KIF1A: variants seen among roughly 807,000 people sequenced by gnomAD.
KIF1A encodes the protein kinesin family member 1A, also known as kinesin-like protein KIF1A.
In KIF1A, 46 loss-of-function variants were observed where a neutral mutation model predicts 227.3. The ratio of observed to expected loss-of-function variants is 0.20; its 90% CI spans 0.16 to 0.26. The LOEUF (loss-of-function observed/expected upper bound fraction) is 0.26. Among genes scored for constraint, KIF1A ranks in the 10% least tolerant of loss-of-function variants. The pLI is 1.00. For missense variants in KIF1A, 1,683 were observed against 2,485.9 expected, an observed-to-expected ratio of 0.68 and a Z score of 6.87; for synonymous variants, 1,022 against 1,012.8, an observed-to-expected ratio of 1.01 and a Z score of -0.17.
intron 1 of KIF1A, among the ~76,000 whole-genome samples, chr2:240,812,411 C>T (rs539402924): frequency 2.0e-5 from 3 of 152,354 alleles, no homozygotes; most frequent in South Asian, 2.1e-4. Context: ...TGCAGAGCAT[C>T]GCACAGGCAT....
chr2:240,788,623 C>T lies in KIF1A; in HGVS notation c.184-393G>A, dbSNP rs1337390951. On this transcript the variant is annotated intron_variant, in intron 3 of 48. Coordinates refer to ENST00000498729, the MANE Select transcript of KIF1A (RefSeq NM_001244008.2). The surrounding 1 kb of genome is among the most constrained non-coding windows in gnomAD (Gnocchi z 6.6). ...CACAGGCTGGGCTACAGCGCCTGGA[C>T]ACTGTCCTGAGGACAGTGGGGCACT... Among the ~76,000 whole-genome samples the T allele has an allele frequency of 2.0e-5, 3 of 151,984 alleles. No homozygotes were observed. In the East Asian group the frequency reaches 5.8e-4, roughly 29 times the overall value.
At chr2:240,754,742 C>G (rs1327703269) in intron 27 of KIF1A, among the ~76,000 whole-genome samples, 1 of 152,154 alleles carries the variant, frequency 6.6e-6, no homozygotes, top group Non-Finnish European at 1.5e-5. Flanking sequence ...CACAGACACA[C>G]CCAACGCAGA....
In KIF1A at chr2:240,766,749, T is replaced by TCTCTCTCTCTCACACACACA. The variant is rs1454271542; in HGVS notation, c.1684+165_1684+166insTGTGTGTGTGAGAGAGAGAG. 8.7e-4 allele frequency among the ~76,000 whole-genome samples: 95 copies of TCTCTCTCTCTCACACACACA among 109,008 alleles called. 1 individual carries two copies. The highest frequency in any genetic ancestry group is 3.5e-3 in the African/African-American group (85 of 24,154). The allele number at this position is 109,008 out of a possible 152,430, so 71.5% of individuals were successfully genotyped here. On this transcript the variant is annotated intron_variant, in intron 19 of 48. Transcript: ENST00000498729. This position sits in a 1 kb window ranked among gnomAD's most constrained non-coding sequence, Gnocchi z 5.0. ...CTCTCTCTCTCTCTCTCTCTCTCTC[T>TCTCTCTCTCTCACACACACA]CACACACACACACACACACACACAC... is the stretch of plus-strand genomic sequence containing the variant.
intron 7 of KIF1A, among the ~76,000 whole-genome samples, 158 bp downstream of exon 7, chr2:240,784,831 C>G (rs1171535998): frequency 6.6e-6 from 1 of 152,138 alleles, no homozygotes; most frequent in African/African-American, 2.4e-5. Context: ...GGGGGGACGT[C>G]CACACCTGGT....
At position 240,783,080 on chromosome 2, in the gene KIF1A, G is replaced by A; in HGVS notation, c.828C>T (p.Thr276=). ...GGGCGGAGATGACCTTGCCCAGGGT[G>A]GTCAGCGACTTGTTGATGTTGGCCC... ...KEGANINKSL[T]TLGKVISALA... The change falls in exon 9 of 49, where the codon ACC becomes ACT. Residue 276 remains threonine, a synonymous_variant. Coordinates refer to ENST00000498729, the MANE Select transcript of KIF1A (RefSeq NM_001244008.2). 1 of 1,613,732 alleles carries A rather than the reference G, an allele frequency of 6.2e-7. No individual in the cohort carries two copies. Among genetic ancestry groups the A allele is most frequent in the Non-Finnish European group, 8.5e-7 (1 of 1,179,768 alleles).
chr2:240,779,817 G>A (rs1384868486), intron 10 of KIF1A, among the ~76,000 whole-genome samples: 1 of 152,118 alleles, frequency 6.6e-6, no homozygotes, highest in Non-Finnish European at 1.5e-5. Flanking sequence ...ACGGTTCTGC[G>A]GCTCCTCACG....
intron 10 of KIF1A, among the ~76,000 whole-genome samples, chr2:240,780,722 T>C (rs1054522952): frequency 6.6e-6 from 1 of 150,638 alleles, no homozygotes; most frequent in African/African-American, 2.5e-5. Flanking sequence ...TTCTTCCGGC[T>C]TCTGACAGAG....
chr2:240,805,050 G>GAGGGAGAGGGGAGGGAGAGGGC (rs1262810052), intron 1 of KIF1A, among the ~76,000 whole-genome samples: 2 of 55,396 alleles, frequency 3.6e-5, no homozygotes, highest in Non-Finnish European at 6.7e-5. Flanking sequence ...GGGAAGTGGG[G>GAGGGAGAGGGGAGGGAGAGGGC]AGGGAGAGGG....
rs569716868 is a variant in KIF1A, at chr2:240,759,599, C to G, written c.2444+1066G>C. Reference sequence around the variant, plus strand: ...TACTCCTCTCTGCCTGGTGCCTCCCCCTGTAGCCCTGCAGGGTGGGGCGTG... The same window carrying G: ...TACTCCTCTCTGCCTGGTGCCTCCCGCTGTAGCCCTGCAGGGTGGGGCGTG... On this transcript the variant is annotated intron_variant, in intron 25 of 48. Coordinates refer to ENST00000498729, the MANE Select transcript of KIF1A (RefSeq NM_001244008.2). 2.7e-3 allele frequency among the ~76,000 whole-genome samples: 404 copies of G among 152,330 alleles called. 2 individuals are homozygous for G. Among genetic ancestry groups the G allele is most frequent in the African/African-American group, 8.9e-3 (369 of 41,578 alleles).
At chr2:240,743,683 C>G (rs937144662) in intron 33 of KIF1A, among the ~76,000 whole-genome samples, 2 of 152,200 alleles carry the variant, frequency 1.3e-5, no homozygotes, top group Non-Finnish European at 2.9e-5. Context: ...CCCCTGCACA[C>G]TGCCCAGGCC....
At chr2:240,759,900 C>T (rs1180465131) in intron 25 of KIF1A, among the ~76,000 whole-genome samples, 1 of 152,034 alleles carries the variant, frequency 6.6e-6, no homozygotes, top group Non-Finnish European at 1.5e-5. Flanking sequence ...TCCTGTGGTC[C>T]CAGCTACTTG....
At position 240,758,462 on chromosome 2, in the gene KIF1A, C is replaced by G. The variant is rs768899178; in HGVS notation, c.2480G>C (p.Arg827Pro). The G allele has an allele frequency of 6.2e-7, 1 of 1,607,548 alleles. No homozygotes were observed. The highest frequency in any genetic ancestry group is 1.7e-5 in the Admixed American group (1 of 59,244). ...RLDLMREMYD[R>P]AAEVPSSVIE... The stretch of plus-strand genomic sequence containing the variant: ...GACACTGGAGGGCACCTCTGCAGCG[C>G]GGTCGTACATCTCCCGCATCAGGTC... The change falls in exon 26 of 49, where the codon CGC becomes CCC. Residue 827 changes from arginine to proline, a missense_variant. By Grantham distance (103) the Arg-to-Pro change is moderately radical. Around this residue, in one of 12 missense-constraint regions of KIF1A, gnomAD observed 759 missense variants for 1,020.2 expected, o/e 0.74. Transcript: ENST00000498729. The surrounding 1 kb of genome is among the most constrained non-coding windows in gnomAD (Gnocchi z 5.2).
At chr2:240,779,003 C>T (rs574919526) in intron 10 of KIF1A, among the ~76,000 whole-genome samples, 61 of 152,330 alleles carry the variant, frequency 4.0e-4, no homozygotes, top group African/African-American at 1.4e-3. Flanking sequence ...TCCATGTTCC[C>T]ACCCAGTTCC....
chr2:240,784,923 C>T (rs2054528523), intron 7 of KIF1A, 66 bp downstream of exon 7: 2 of 1,352,110 alleles, frequency 1.5e-6, no homozygotes, highest in East Asian at 4.6e-5. Context: ...CTGGCCTGAC[C>T]ACCACCCCTA....
intron 25 of KIF1A, among the ~76,000 whole-genome samples, chr2:240,759,742 T>C (rs1372052592): frequency 1.3e-5 from 2 of 152,180 alleles, no homozygotes; most frequent in Non-Finnish European, 2.9e-5. Flanking sequence ...TGCAGTGGCT[T>C]GCACCTATAA....
chr2:240,791,480 C>T (rs1258223721), intron 2 of KIF1A, among the ~76,000 whole-genome samples: 1 of 114,470 alleles, frequency 8.7e-6, no homozygotes, highest in Non-Finnish European at 1.9e-5. Context: ...GTCGGGCTCC[C>T]CGCACAGGCC....
chr2:240,796,345 GA>G (rs2056393716), intron 2 of KIF1A, among the ~76,000 whole-genome samples: 1 of 152,212 alleles, frequency 6.6e-6, no homozygotes, highest in Non-Finnish European at 1.5e-5. Flanking sequence ...AGCGTTGTTG[GA>G]AAAGCACTGG....
rs2047290852 is a variant in KIF1A at position 240,736,121 on chromosome 2, T to A, written c.4007+942A>T. ...TTGCTGATGAAACCAAAGCTTTGTG[T>A]GGACCCAAGTCAGAAGAATAGGAGA... is the stretch of plus-strand genomic sequence containing the variant. On this transcript the variant is annotated intron_variant, in intron 38 of 48. Transcript: ENST00000498729. The surrounding 1 kb of genome is among the most constrained non-coding windows in gnomAD (Gnocchi z 4.7). Among the ~76,000 whole-genome samples, 3 of 151,974 alleles carry A rather than the reference T, an allele frequency of 2.0e-5. No homozygotes were observed. The South Asian group carries it at 6.2e-4, about 32-fold the overall frequency.
At chr2:240,818,199 C>T (rs1471453578) in intron 1 of KIF1A, among the ~76,000 whole-genome samples, 1 of 152,140 alleles carries the variant, frequency 6.6e-6, no homozygotes, top group Non-Finnish European at 1.5e-5. Context: ...ACCCTGCGGA[C>T]CTGCCCGGGG....
Sources: gnomAD v4.1 joint callset for allele counts (sites outside exome capture counted in the v4.1 genomes callset) on GRCh38, gnomAD v4.1.1 for gene constraint, gnomAD v4.1.1 regional missense constraint, Gnocchi (gnomAD v3.1) non-coding constraint, MANE v1.5 for transcripts, NCBI Gene and HGNC (gene_info 2026-07-23, HGNC 2026-07-21) for gene names.